AKR1C3: variants seen among roughly 807,000 people sequenced by gnomAD.
AKR1C3 encodes aldo-keto reductase family 1 member C3, also known as 3-alpha hydroxysteroid dehydrogenase, type II.
AKR1C3 carries 48 observed loss-of-function variants against 43.6 expected under a neutral mutation model. The ratio of observed to expected loss-of-function variants is 1.10; its 90% CI spans 0.87 to 1.40. The LOEUF is 1.40. Ranked by LOEUF, AKR1C3 falls within the 40% of genes most tolerant of loss-of-function variation. AKR1C3 has a pLI of 0.00. For synonymous variants in AKR1C3, 162 were observed against 139.6 expected (o/e 1.16, Z -1.13); for missense variants, 482 against 391.2 (o/e 1.23, Z -1.96).
chr10:5,071,664 G>A (rs782303440), intron 1 of AKR1C3, among the ~76,000 whole-genome samples: 1 of 152,200 alleles, frequency 6.6e-6, no homozygotes, highest in Non-Finnish European at 1.5e-5. Context: ...TAAAGAGCCA[G>A]CCTGAGAAAA....
intron 1 of AKR1C3, among the ~76,000 whole-genome samples, chr10:5,062,802 C>A (rs1356525707): frequency 6.7e-6 from 1 of 149,572 alleles, no homozygotes. Context: ...CTGCTACAGG[C>A]TTATTCCAGC....
intron 4 of AKR1C3, among the ~76,000 whole-genome samples, chr10:5,099,089 C>A (rs1280404684): frequency 2.0e-5 from 3 of 152,202 alleles, no homozygotes; most frequent in Non-Finnish European, 2.9e-5. Flanking sequence ...ACAGGAATCT[C>A]TTTCCTTGCT....
At chr10:5,051,883 C>A (rs1588327772) in intron 1 of AKR1C3, among the ~76,000 whole-genome samples, 1 of 152,170 alleles carries the variant, frequency 6.6e-6, no homozygotes, top group African/African-American at 2.4e-5. Context: ...TCTAAAGATT[C>A]TTTACCTACT....
chr10:5,104,392 A>AT (rs1564372348), intron 7 of AKR1C3, among the ~76,000 whole-genome samples: 1 of 151,988 alleles, frequency 6.6e-6, no homozygotes, highest in African/African-American at 2.4e-5. Flanking sequence ...TTGATTTTTT[A>AT]CTCTACCATA....
chr10:5,081,366 GGGACAGTTGGGCCGCAGT>G (rs1838834689), intron 1 of AKR1C3, among the ~76,000 whole-genome samples: 1 of 152,106 alleles, frequency 6.6e-6, no homozygotes, highest in African/African-American at 2.4e-5. Context: ...TTTGTTCTGA[GGGACAGTTGGGCCGCAGT>G]GGCCATTGAC....
At chr10:5,094,369 G>C, upstream of AKR1C3, 1 of 851,952 alleles carries the variant, frequency 1.2e-6, no homozygotes, top group South Asian at 1.3e-5. Flanking sequence ...GGGGGGAGGG[G>C]TTTCCTGCCC....
In AKR1C3 at chr10:5,063,003, G is replaced by A. The variant is rs1838413826; in HGVS notation, c.84+14108G>A. On this transcript the variant is annotated intron_variant, in intron 1 of 8. Coordinates refer to the AKR1C3 transcript ENST00000439082. Reference sequence around the variant, plus strand: ...TATTTTTTTCTCTACAAGAAATGCTGAAGTGAATAATTCAGGATGAAGGAG... The same window carrying A: ...TATTTTTTTCTCTACAAGAAATGCTAAAGTGAATAATTCAGGATGAAGGAG... Among the ~76,000 whole-genome samples the A allele has an allele frequency of 1.3e-5, 2 of 152,162 alleles. 1 individual carries two copies. Among genetic ancestry groups the A allele is most frequent in the Admixed American group, 1.3e-4 (2 of 15,274 alleles).
At chr10:5,073,410 A>G (rs1391660108) in intron 1 of AKR1C3, among the ~76,000 whole-genome samples, 2 of 152,232 alleles carry the variant, frequency 1.3e-5, no homozygotes, top group African/African-American at 2.4e-5. Context: ...TAAAAGATTG[A>G]GATTGGAGAT....
At chr10:5,060,903 G>T (rs1838370416) in intron 1 of AKR1C3, among the ~76,000 whole-genome samples, 1 of 152,224 alleles carries the variant, frequency 6.6e-6, no homozygotes, top group African/African-American at 2.4e-5. Flanking sequence ...GTCCCTCACT[G>T]CCTGGGGCTT....
intron 1 of AKR1C3, chr10:5,078,035 C>G: frequency 1.5e-6 from 1 of 656,400 alleles, no homozygotes. Context: ...AATATGATTA[C>G]TATATTTTGT....
At chr10:5,053,740 TA>T (rs1838202824) in intron 1 of AKR1C3, among the ~76,000 whole-genome samples, 1 of 152,154 alleles carries the variant, frequency 6.6e-6, no homozygotes, top group African/African-American at 2.4e-5. Context: ...TGCTGCTGGA[TA>T]GGGGTAATGA....
At chr10:5,102,351 T>A in intron 6 of AKR1C3, 134 bp from the exon 7 acceptor site, 1 of 1,598,316 alleles carries the variant, frequency 6.3e-7, no homozygotes, top group Non-Finnish European at 8.5e-7. Flanking sequence ...AGATCTTGGA[T>A]GATGCTGATG....
chr10:5,097,620 G>T (rs782397389), intron 3 of AKR1C3, 70 bp downstream of exon 3: 1 of 1,607,650 alleles, frequency 6.2e-7, no homozygotes, highest in South Asian at 1.1e-5. Context: ...CTGGATAGTT[G>T]AACAGAGCTT....
intron 3 of AKR1C3, chr10:5,098,257 CTTTTT>C (rs1296224464): frequency 3.3e-6 from 3 of 920,526 alleles, no homozygotes; most frequent in South Asian, 5.0e-5. Flanking sequence ...AACTCCAACA[CTTTTT>C]TTTATTATTG....
intron 1 of AKR1C3, among the ~76,000 whole-genome samples, chr10:5,061,194 C>T (rs1028602647): frequency 6.6e-6 from 1 of 152,210 alleles, no homozygotes; most frequent in Non-Finnish European, 1.5e-5. Context: ...TGCCAGCACA[C>T]TGTCACCTCT....
chr10:5,052,403 CA>C (rs1554779034), intron 1 of AKR1C3, among the ~76,000 whole-genome samples: 3 of 152,198 alleles, frequency 2.0e-5, no homozygotes, highest in African/African-American at 7.2e-5. Context: ...CTGGCTTGGC[CA>C]GCCTGCTTTT....
chr10:5,088,246 C>A (rs1169894233), intron 1 of AKR1C3, among the ~76,000 whole-genome samples: 1 of 152,018 alleles, frequency 6.6e-6, no homozygotes, highest in Non-Finnish European at 1.5e-5. Flanking sequence ...AGGATGTGGT[C>A]AATTTTTGAG....
chr10:5,103,542 C>G (rs1185122369), intron 7 of AKR1C3, among the ~76,000 whole-genome samples: 3 of 152,162 alleles, frequency 2.0e-5, no homozygotes, highest in African/African-American at 7.2e-5. Flanking sequence ...TGGGCTCTCT[C>G]ATGTGTTTGC....
At chr10:5,093,856 A>C (rs782173423), upstream of AKR1C3, 1 of 152,184 alleles carries the variant, frequency 6.6e-6, no homozygotes, top group Non-Finnish European at 1.5e-5. Context: ...TTTCTCTTAC[A>C]ACGCAAAGAA....
Sources: gnomAD v4.1 joint callset for allele counts (sites outside exome capture counted in the v4.1 genomes callset) on GRCh38, gnomAD v4.1.1 for gene constraint, MANE v1.5 for transcripts, NCBI Gene and HGNC (gene_info 2026-07-23, HGNC 2026-07-21) for gene names.